The following PTPRE variants were observed in gnomAD, a reference collection of about 807,000 sequenced individuals.
PTPRE encodes the protein protein tyrosine phosphatase receptor type E.
A neutral mutation model predicts 102.0 loss-of-function variants in PTPRE; 51 were observed. That is an observed-to-expected ratio of 0.50 (90% confidence interval 0.40 to 0.63). PTPRE has a LOEUF of 0.63. Among genes scored for constraint, PTPRE ranks in the 30% least tolerant of loss-of-function variants. The probability of loss-of-function intolerance (pLI) is 0.00; values close to 1 mark genes in which losing one functional copy is unlikely to be tolerated. For missense variants in PTPRE, 752 were observed against 915.1 expected (o/e 0.82, Z 2.30); for synonymous variants, 345 against 348.2 (o/e 0.99, Z 0.10).
chr10:128,069,464 G>A, intron 12 of PTPRE: 1 of 569,078 alleles, frequency 1.8e-6, no homozygotes, highest in Non-Finnish European at 3.1e-6. Context: ...TGCACCAGCT[G>A]TTAATGTGCC....
intron 2 of PTPRE, among the ~76,000 whole-genome samples, chr10:128,029,801 C>T (rs1478967079): frequency 6.6e-6 from 1 of 152,258 alleles, no homozygotes; most frequent in Non-Finnish European, 1.5e-5. Context: ...TGGGCATCAC[C>T]AGGGCTGGGG....
chr10:128,000,268 T>G (rs778632852), intron 2 of PTPRE, among the ~76,000 whole-genome samples: 1 of 152,230 alleles, frequency 6.6e-6, no homozygotes, highest in Non-Finnish European at 1.5e-5. Context: ...AAGTAATCCC[T>G]CTTTCACCTA....
At chr10:128,020,620 G>A (rs1164576166) in intron 2 of PTPRE, among the ~76,000 whole-genome samples, 1 of 152,202 alleles carries the variant, frequency 6.6e-6, no homozygotes, top group Non-Finnish European at 1.5e-5. Context: ...ATGGCCGGTA[G>A]CTTCTGGTTT....
intron 1 of PTPRE, among the ~76,000 whole-genome samples, chr10:127,960,835 T>C (rs556230262): frequency 5.7e-4 from 86 of 152,070 alleles, no homozygotes; most frequent in East Asian, 1.9e-3. Context: ...CATCCTAACA[T>C]GGTGAAACCC....
chr10:128,048,652 C>G (rs115762819), intron 5 of PTPRE, among the ~76,000 whole-genome samples: 1 of 152,176 alleles, frequency 6.6e-6, no homozygotes, highest in Non-Finnish European at 1.5e-5. Flanking sequence ...TTCCTGCCCT[C>G]GTTCCAGTCC....
intron 1 of PTPRE, among the ~76,000 whole-genome samples, chr10:127,957,765 G>T (rs974725873): frequency 6.6e-6 from 1 of 152,196 alleles, no homozygotes; most frequent in African/African-American, 2.4e-5. Flanking sequence ...GACTGGGATT[G>T]CATTGAATCT....
chr10:128,078,828 C>T (rs1386280732), intron 19 of PTPRE, among the ~76,000 whole-genome samples: 1 of 152,198 alleles, frequency 6.6e-6, no homozygotes, highest in African/African-American at 2.4e-5. Flanking sequence ...CCGATCATTG[C>T]GGCAGGACAG....
intron 1 of PTPRE, among the ~76,000 whole-genome samples, chr10:127,955,165 A>C (rs534396280): frequency 1.3e-5 from 2 of 152,280 alleles, no homozygotes; most frequent in Non-Finnish European, 1.5e-5. Context: ...GGTCAATTGG[A>C]AGTTACAACA....
chr10:128,058,219 A>G (rs1849175199), intron 7 of PTPRE, among the ~76,000 whole-genome samples: 1 of 152,222 alleles, frequency 6.6e-6, no homozygotes, highest in Non-Finnish European at 1.5e-5. Flanking sequence ...GTGATGGCCC[A>G]GGGCAGAGCA....
At chr10:127,913,346 A>G (rs1764932402) in intron 1 of PTPRE, among the ~76,000 whole-genome samples, 1 of 152,248 alleles carries the variant, frequency 6.6e-6, no homozygotes, top group African/African-American at 2.4e-5. Flanking sequence ...TTTGGTTATT[A>G]ATGTCCCTAA....
intron 19 of PTPRE, 68 bp downstream of exon 19, chr10:128,077,851 T>G: frequency 6.6e-7 from 1 of 1,518,870 alleles, no homozygotes; most frequent in Non-Finnish European, 8.9e-7. Flanking sequence ...TACCCGCAGC[T>G]GTGGGCAGCA....
At chr10:128,056,084 A>G in intron 6 of PTPRE, 39 bp from the exon 7 acceptor site, 3 of 1,481,156 alleles carry the variant, frequency 2.0e-6, no homozygotes, top group African/African-American at 1.4e-5. Flanking sequence ...TGGTGCTTGA[A>G]TCCATCACAT....
chr10:128,049,748 C>G (rs1377461154), intron 6 of PTPRE, 82 bp downstream of exon 6: 1 of 1,577,808 alleles, frequency 6.3e-7, no homozygotes. Flanking sequence ...GATGAATTAT[C>G]CCAAAGACTC....
chr10:128,011,337 G>C (rs1011363591), intron 2 of PTPRE, among the ~76,000 whole-genome samples: 4 of 152,224 alleles, frequency 2.6e-5, no homozygotes, highest in Non-Finnish European at 2.9e-5. Flanking sequence ...AGCTATTTAA[G>C]AACAAATGTT....
intron 6 of PTPRE, among the ~76,000 whole-genome samples, chr10:128,052,491 C>T (rs576070592): frequency 1.3e-5 from 2 of 152,108 alleles, no homozygotes; most frequent in South Asian, 4.1e-4. Flanking sequence ...ATACTCCCTG[C>T]CCCCCATAGG....
chr10:128,078,012 T>A (rs1458364733), intron 19 of PTPRE, among the ~76,000 whole-genome samples: 2 of 152,226 alleles, frequency 1.3e-5, no homozygotes, highest in Non-Finnish European at 2.9e-5. Context: ...AAATGCAGAA[T>A]GCACTTCAGA....
At chr10:128,024,744 G>A (rs55910946) in intron 2 of PTPRE, among the ~76,000 whole-genome samples, 11,859 of 152,236 alleles carry the variant, frequency 0.078, 613 homozygotes, top group South Asian at 0.16. Flanking sequence ...AGCCCCAGGA[G>A]GAAGCCCATC....
intron 18 of PTPRE, among the ~76,000 whole-genome samples, chr10:128,077,257 C>T (rs1416684508): frequency 6.6e-6 from 1 of 152,232 alleles, no homozygotes. Context: ...GACTCAGATG[C>T]TGCTCATTTG....
chr10:127,948,215 AC>A (rs1564819537), intron 1 of PTPRE, among the ~76,000 whole-genome samples: 1 of 151,450 alleles, frequency 6.6e-6, no homozygotes, highest in Non-Finnish European at 1.5e-5. Context: ...ACACACCATC[AC>A]CCCCTCCTTT....
Sources: gnomAD v4.1 joint callset for allele counts (sites outside exome capture counted in the v4.1 genomes callset) on GRCh38, gnomAD v4.1.1 for gene constraint, MANE v1.5 for transcripts, NCBI Gene and HGNC (gene_info 2026-07-23, HGNC 2026-07-21) for gene names.